ERBB4: variants seen among roughly 807,000 people sequenced by gnomAD.
ERBB4 encodes receptor tyrosine-protein kinase erbB-4.
Under a neutral mutation model 158.0 loss-of-function variants are expected in ERBB4, and 42 were observed. The ratio of observed to expected loss-of-function variants is 0.27; its 90% CI spans 0.21 to 0.34. The LOEUF is 0.34. Ranked by LOEUF, ERBB4 falls within the 10% of genes least tolerant of loss-of-function variation. ERBB4 has a pLI of 1.00. For missense variants in ERBB4, 1,333 were observed against 1,624.1 expected, an observed-to-expected ratio of 0.82 and a Z score of 3.08; for synonymous variants, 583 against 558.7, an observed-to-expected ratio of 1.04 and a Z score of -0.61.
intron 2 of ERBB4, among the ~76,000 whole-genome samples, chr2:212,022,709 A>C (rs1258497767): frequency 1.3e-5 from 2 of 152,236 alleles, no homozygotes; most frequent in East Asian, 1.9e-4. Flanking sequence ...ATAAAAAACT[A>C]TAATCTGAAG....
At chr2:211,896,313 C>T (rs1252322924) in intron 3 of ERBB4, among the ~76,000 whole-genome samples, 1 of 152,108 alleles carries the variant, frequency 6.6e-6, no homozygotes, top group Non-Finnish European at 1.5e-5. Flanking sequence ...GGCATTTCAT[C>T]TCTATTTGTT....
intron 2 of ERBB4, among the ~76,000 whole-genome samples, chr2:212,081,032 T>C (rs75554989): frequency 0.14 from 21,560 of 152,266 alleles, 1,964 homozygotes; most frequent in Non-Finnish European, 0.2. Flanking sequence ...TATATGTCTA[T>C]GCTCACTTTA....
intron 20 of ERBB4, among the ~76,000 whole-genome samples, chr2:211,478,315 G>T (rs1166278789): frequency 6.6e-6 from 1 of 152,014 alleles, no homozygotes; most frequent in African/African-American, 2.4e-5. Context: ...AACAGCTTCG[G>T]GATGGTATGA....
At chr2:212,077,256 G>A (rs982565733) in intron 2 of ERBB4, among the ~76,000 whole-genome samples, 1 of 151,788 alleles carries the variant, frequency 6.6e-6, no homozygotes, top group African/African-American at 2.4e-5. Flanking sequence ...ACGTATATTC[G>A]ATGACCCAGT....
intron 5 of ERBB4, among the ~76,000 whole-genome samples, chr2:211,746,260 G>A (rs2074969269): frequency 6.6e-6 from 1 of 152,030 alleles, no homozygotes; most frequent in Non-Finnish European, 1.5e-5. Flanking sequence ...TATCAACAGA[G>A]TGAAACACTG....
At chr2:211,566,743 T>G (rs1427358624) in intron 19 of ERBB4, among the ~76,000 whole-genome samples, 1 of 152,200 alleles carries the variant, frequency 6.6e-6, no homozygotes, top group East Asian at 1.9e-4. Flanking sequence ...ATTAAATCAT[T>G]AATTTAATTA....
intron 3 of ERBB4, among the ~76,000 whole-genome samples, chr2:211,920,641 T>C (rs867110865): frequency 2.4e-4 from 36 of 151,896 alleles, no homozygotes; most frequent in Non-Finnish European, 3.8e-4. Context: ...TAAGCCCTTT[T>C]ATTCACTTGA....
At chr2:212,405,340 G>A (rs1293148202) in intron 1 of ERBB4, among the ~76,000 whole-genome samples, 1 of 151,974 alleles carries the variant, frequency 6.6e-6, no homozygotes, top group Non-Finnish European at 1.5e-5. Flanking sequence ...AAATAACAGA[G>A]GCCGGTGAGG....
intron 20 of ERBB4, among the ~76,000 whole-genome samples, chr2:211,514,817 G>A (rs185980255): frequency 5.9e-5 from 9 of 152,184 alleles, no homozygotes; most frequent in East Asian, 5.8e-4. Context: ...CTGGAAATCC[G>A]AAATCTGAAA....
At position 211,515,912 on chromosome 2, in the gene ERBB4, A is replaced by ATTT. The variant is rs1553555083; in HGVS notation, c.2487+45988_2487+45990dup. Among the ~76,000 whole-genome samples the ATTT allele has an allele frequency of 7.1e-4, 56 of 78,980 alleles. 1 individual carries two copies. Among genetic ancestry groups the ATTT allele is most frequent in the Non-Finnish European group, 1.0e-3 (43 of 41,816 alleles). 51.8% of individuals were successfully genotyped at this position (78,980 alleles called of 152,430 possible). On this transcript the variant is annotated intron_variant, in intron 20 of 27. Transcript: ENST00000342788. ...AAACATATATTATATATATATATAT[A>ATTT]TTTTTTTTTTTTTTTTTTTTGAGGC...
intron 25 of ERBB4, among the ~76,000 whole-genome samples, chr2:211,404,380 C>G (rs140092177): frequency 6.6e-6 from 1 of 152,114 alleles, no homozygotes; most frequent in East Asian, 1.9e-4. Flanking sequence ...AAGCCTTAGC[C>G]AGTCTCTAAG....
chr2:211,724,354 T>A (rs1392390542), intron 6 of ERBB4, among the ~76,000 whole-genome samples: 4 of 151,792 alleles, frequency 2.6e-5, no homozygotes, highest in Non-Finnish European at 4.4e-5. Context: ...CTTTCTTTTT[T>A]TTTTTTTAAA....
At chr2:211,793,512 C>T (rs920222118) in intron 3 of ERBB4, among the ~76,000 whole-genome samples, 2 of 151,890 alleles carry the variant, frequency 1.3e-5, no homozygotes, top group African/African-American at 4.8e-5. Flanking sequence ...GAATCAAAAT[C>T]CAAGGCAGCA....
At chr2:212,342,865 A>C (rs915572926) in intron 1 of ERBB4, among the ~76,000 whole-genome samples, 1 of 152,220 alleles carries the variant, frequency 6.6e-6, no homozygotes, top group Non-Finnish European at 1.5e-5. Flanking sequence ...TCTTATTCAT[A>C]TCTAACTTCT....
At chr2:212,101,865 T>A (rs1212600189) in intron 2 of ERBB4, among the ~76,000 whole-genome samples, 4 of 151,752 alleles carry the variant, frequency 2.6e-5, no homozygotes, top group African/African-American at 7.2e-5. Context: ...CTGTCTACCG[T>A]CAACACAGAC....
chr2:211,501,429 T>C (rs1458616100), intron 20 of ERBB4, among the ~76,000 whole-genome samples: 2 of 151,806 alleles, frequency 1.3e-5, no homozygotes, highest in Non-Finnish European at 2.9e-5. Context: ...TTACCCATAT[T>C]ATATGCTTGT....
intron 4 of ERBB4, among the ~76,000 whole-genome samples, chr2:211,764,946 C>A (rs1460229511): frequency 1.3e-5 from 2 of 152,056 alleles, no homozygotes; most frequent in Non-Finnish European, 2.9e-5. Context: ...GAATGACTTG[C>A]ATGGAGTTAA....
intron 1 of ERBB4, among the ~76,000 whole-genome samples, chr2:212,451,358 G>A (rs767082090): frequency 8.5e-5 from 13 of 152,132 alleles, no homozygotes; most frequent in Non-Finnish European, 1.9e-4. Context: ...TACTTGTTAA[G>A]ACCATTTGAT....
chr2:211,375,926 C>T lies in ERBB4; in HGVS notation c.*7689G>A, dbSNP rs543232418. The T allele has an allele frequency of 4.3e-5, 10 of 232,668 alleles. No homozygotes were observed. The highest frequency in any genetic ancestry group is 6.8e-5 in the Non-Finnish European group (8 of 117,540). The allele number at this position is 232,668 out of a possible 1,614,324, so 14.4% of individuals were successfully genotyped here. On this transcript the variant is annotated 3_prime_UTR_variant, in exon 28 of 28. Coordinates refer to ENST00000342788, the MANE Select transcript of ERBB4 (RefSeq NM_005235.3). The stretch of plus-strand genomic sequence containing the variant: ...CCAAAAGAGGATCCTTGAGAACTAA[C>T]GGAAAAGCCTAATTACATAAATGTA...
Sources: allele counts gnomAD v4.1 joint callset (sites outside exome capture counted in the v4.1 genomes callset), GRCh38; gene constraint gnomAD v4.1.1; transcripts MANE v1.5; gene names NCBI Gene and HGNC (gene_info 2026-07-23, HGNC 2026-07-21).